BORCS8: variants seen among roughly 807,000 people sequenced by gnomAD.
BORCS8 encodes the protein BLOC-1-related complex subunit 8.
In BORCS8, 13 loss-of-function variants were observed where a neutral mutation model predicts 18.7. That is an observed-to-expected ratio of 0.70 (90% confidence interval 0.45 to 1.11). The LOEUF is 1.11. Ranked by LOEUF, BORCS8 falls within the 50% of genes least tolerant of loss-of-function variation. BORCS8 has a pLI of 0.00. For synonymous variants in BORCS8, 68 were observed against 64.8 expected, an observed-to-expected ratio of 1.05 and a Z score of -0.24; for missense variants, 165 against 165.7, an observed-to-expected ratio of 1.00 and a Z score of 0.02.
intron 4 of BORCS8, chr19:19,181,817 C>T (rs2060351811): frequency 1.0e-6 from 1 of 977,316 alleles, no homozygotes; most frequent in Non-Finnish European, 1.2e-6. Flanking sequence ...CCTGCCAGAA[C>T]CCCAATCTGT....
intron 5 of BORCS8, chr19:19,179,847 A>G (rs2060332686): frequency 6.5e-6 from 1 of 152,772 alleles, no homozygotes; most frequent in Admixed American, 6.5e-5. Context: ...ATGTGAAACC[A>G]GCACTCTGCA....
rs79349118 is a variant in BORCS8 at position 19,186,781 on chromosome 19, T to A, written c.150+112A>T. The A allele has an allele frequency of 3.5e-3, 2,345 of 665,638 alleles. 41 individuals are homozygous for A. In the African/African-American group the frequency reaches 0.038, roughly 11 times the overall value. The allele number at this position is 665,638 out of a possible 1,614,324, so 41.2% of individuals were successfully genotyped here. On this transcript the variant is annotated intron_variant, in intron 2 of 5. Coordinates refer to ENST00000462790, the MANE Select transcript of BORCS8 (RefSeq NM_001145784.2). ...CATCTCCTTCAAAATCTATCCCAGA[T>A]CTGTCCACCACGCCTCTGACCTGGC... is the stretch of plus-strand genomic sequence containing the variant.
intron 5 of BORCS8, chr19:19,179,690 G>A (rs2060331536): frequency 6.5e-6 from 1 of 152,720 alleles, no homozygotes; most frequent in African/African-American, 2.4e-5. Flanking sequence ...GATATAGAAT[G>A]GTGACACATC....
chr19:19,184,309 T>G (rs1010757611), intron 3 of BORCS8, among the ~76,000 whole-genome samples: 28 of 143,808 alleles, frequency 1.9e-4, no homozygotes, highest in Non-Finnish European at 3.0e-4. Flanking sequence ...TCCTTTCTTT[T>G]TTTTTTTTTT....
At chr19:19,181,705 C>G (rs541452187) in intron 4 of BORCS8, among the ~76,000 whole-genome samples, 23 of 152,320 alleles carry the variant, frequency 1.5e-4, no homozygotes, top group Admixed American at 4.6e-4. Context: ...AAGATTGCTA[C>G]ACTCCCATTC....
intron 4 of BORCS8, among the ~76,000 whole-genome samples, chr19:19,181,528 GGCA>G (rs1037124870): frequency 6.6e-6 from 1 of 152,136 alleles, no homozygotes; most frequent in African/African-American, 2.4e-5. Context: ...GCACAAACAG[GGCA>G]TATGAAAGCA....
chr19:19,191,292 C>T (rs1599765506), intron 1 of BORCS8, among the ~76,000 whole-genome samples: 1 of 151,406 alleles, frequency 6.6e-6, no homozygotes, highest in Non-Finnish European at 1.5e-5. Flanking sequence ...CACGGCACTC[C>T]AGCCTGGGTG....
In BORCS8 at chr19:19,180,628, G is replaced by A. The variant is rs376099749; in HGVS notation, c.*42+58C>T. 1.5e-4 allele frequency: 185 copies of A among 1,195,286 alleles called. No homozygotes were observed. The East Asian group carries it at 3.6e-3, about 24-fold the overall frequency. 74.0% of individuals were successfully genotyped at this position (1,195,286 alleles called of 1,614,324 possible). A position where few individuals can be genotyped will look rare whatever the true frequency, so the allele number is the denominator to read the frequency against. On this transcript the variant is annotated intron_variant, in intron 5 of 5. Coordinates refer to ENST00000462790, the MANE Select transcript of BORCS8 (RefSeq NM_001145784.2). Reference sequence around the variant, plus strand: ...GCAGGTGCCTGCCTGGCTGCCAAGCGGGCGGGTTGGTTAGTTCAGAGCAGA... The same window carrying A: ...GCAGGTGCCTGCCTGGCTGCCAAGCAGGCGGGTTGGTTAGTTCAGAGCAGA...
At position 19,182,787 on chromosome 19, in the gene BORCS8, A is replaced by T; in HGVS notation, c.216-104T>A. ...CCAGGGCTCGGTGGGTACCTCAGTG[A>T]TTCTGCGGGCTTCCCGAAGGACTCA... On this transcript the variant is annotated intron_variant, in intron 3 of 5. Coordinates refer to ENST00000462790, the MANE Select transcript of BORCS8 (RefSeq NM_001145784.2). The surrounding 1 kb of genome is among the most constrained non-coding windows in gnomAD (Gnocchi z 4.1). 7.1e-7 allele frequency: 1 copy of T among 1,399,822 alleles called. No homozygotes were observed. Among genetic ancestry groups the T allele is most frequent in the Non-Finnish European group, 9.4e-7 (1 of 1,061,712 alleles). The allele number at this position is 1,399,822 out of a possible 1,614,324, so 86.7% of individuals were successfully genotyped here.
chr19:19,181,852 A>C, intron 4 of BORCS8: 1 of 985,402 alleles, frequency 1.0e-6, no homozygotes, highest in Non-Finnish European at 1.2e-6. Context: ...TCCCAAGGCG[A>C]CATTCCTGCT....
At chr19:19,186,158 T>A in intron 2 of BORCS8, 60 bp from the exon 3 acceptor site, 1 of 1,490,016 alleles carries the variant, frequency 6.7e-7, no homozygotes, top group Non-Finnish European at 9.2e-7. Flanking sequence ...AGGGCCTTCC[T>A]CCCAGCTCTC....
intron 1 of BORCS8, among the ~76,000 whole-genome samples, chr19:19,188,255 T>C (rs2060430517): frequency 6.6e-6 from 1 of 151,918 alleles, no homozygotes. Context: ...GGTCTCGATC[T>C]CCTGACCTCG....
Position 19,180,774 on chromosome 19 carries a change from A to T in BORCS8, c.327-13T>A, listed in dbSNP as rs932472105. On this transcript the variant is annotated splice_polypyrimidine_tract_variant and intron_variant, in intron 4 of 5. Coordinates refer to ENST00000462790, the MANE Select transcript of BORCS8 (RefSeq NM_001145784.2). ...TGGTTCCTCCGGGCTGCAACAAAAC[A>T]TGTGCAGCATCCATGAGGCCAAGGT... is the stretch of plus-strand genomic sequence containing the variant. 1.3e-6 allele frequency: 2 copies of T among 1,543,636 alleles called. No homozygotes were observed. The highest frequency in any genetic ancestry group is 1.7e-6 in the Non-Finnish European group (2 of 1,143,054).
intron 4 of BORCS8, 124 bp from the exon 5 acceptor site, chr19:19,180,885 G>A: frequency 9.6e-7 from 1 of 1,038,798 alleles, no homozygotes; most frequent in Non-Finnish European, 1.4e-6. Context: ...GAGCTTCTGG[G>A]GCATCCTGCT....
intron 3 of BORCS8, among the ~76,000 whole-genome samples, chr19:19,184,351 G>A (rs2060385754): frequency 6.8e-6 from 1 of 146,666 alleles, no homozygotes; most frequent in Non-Finnish European, 1.5e-5. Context: ...TGTCGCCCAG[G>A]CTGGAGTGCA....
chr19:19,182,339 G>T lies in BORCS8; in HGVS notation c.326+234C>A. 2 of 1,131,912 alleles carry T rather than the reference G, an allele frequency of 1.8e-6. No homozygotes were observed. The highest frequency in any genetic ancestry group is 2.3e-6 in the Non-Finnish European group (2 of 859,562). The allele number at this position is 1,131,912 out of a possible 1,614,324, so 70.1% of individuals were successfully genotyped here. On this transcript the variant is annotated intron_variant, in intron 4 of 5. Transcript: ENST00000462790. This position sits in a 1 kb window ranked among gnomAD's most constrained non-coding sequence, Gnocchi z 4.1. ...TGTGAGCCTGTCTGTCTCGGTCACT[G>T]CTATGTCCCCAGTGCCCAGCCCAGG...
intron 1 of BORCS8, among the ~76,000 whole-genome samples, chr19:19,191,608 T>C (rs1366793274): frequency 6.6e-6 from 1 of 151,776 alleles, no homozygotes; most frequent in Non-Finnish European, 1.5e-5. Context: ...AGGGTCTCAC[T>C]TGTCACCCAG....
At chr19:19,188,528 C>T (rs1203558382) in intron 1 of BORCS8, among the ~76,000 whole-genome samples, 1 of 152,150 alleles carries the variant, frequency 6.6e-6, no homozygotes, top group African/African-American at 2.4e-5. Flanking sequence ...CTGCACTTCC[C>T]GGCATTCTTT....
chr19:19,182,661 T>G lies in BORCS8; in HGVS notation c.238A>C (p.Ser80Arg), dbSNP rs2060360522. 6.4e-7 allele frequency: 1 copy of G among 1,550,972 alleles called. No homozygotes were observed. The highest frequency in any genetic ancestry group is 1.4e-5 in the African/African-American group (1 of 73,004). Residue 80 changes from serine to arginine, a missense_variant, in exon 4 of 6, where the codon AGC becomes CGC. Ser to Arg is a moderately radical substitution (Grantham distance 110). Coordinates refer to ENST00000462790, the MANE Select transcript of BORCS8 (RefSeq NM_001145784.2). This position sits in a 1 kb window ranked among gnomAD's most constrained non-coding sequence, Gnocchi z 4.1. ...TCCACGCTGCGGAAGTAGACGCTGC[T>G]GTCCACCAGGTTCTTCACGGCGCTG... ...ACSAVKNLVD[S>R]SVYFRSVEGL...
Sources: gnomAD v4.1 joint callset for allele counts (sites outside exome capture counted in the v4.1 genomes callset) on GRCh38, gnomAD v4.1.1 for gene constraint, Gnocchi (gnomAD v3.1) non-coding constraint, MANE v1.5 for transcripts, NCBI Gene and HGNC (gene_info 2026-07-23, HGNC 2026-07-21) for gene names.